Variants in COL19A1 observed in about 807,000 individuals in gnomAD.
COL19A1 encodes collagen alpha-1(XIX) chain.
A neutral mutation model predicts 190.2 loss-of-function variants in COL19A1; 159 were observed. That is an observed-to-expected ratio of 0.84 (90% CI 0.73 to 0.95). The LOEUF (loss-of-function observed/expected upper bound fraction) is 0.95, where lower values mean the gene tolerates loss of function less well. COL19A1 is among the 40% of genes least tolerant of loss of function. The pLI is 0.00. For missense variants in COL19A1, 1,418 were observed against 1,431.9 expected (o/e 0.99, Z 0.16); for synonymous variants, 509 against 458.9 (o/e 1.11, Z -1.39).
chr6:70,153,306 T>C (rs1287436821), intron 31 of COL19A1, among the ~76,000 whole-genome samples: 2 of 152,166 alleles, frequency 1.3e-5, no homozygotes, highest in Non-Finnish European at 2.9e-5. Context: ...CGCAAAAATA[T>C]CTTTGATTAA....
chr6:70,145,044 A>G (rs762770535), intron 25 of COL19A1, 37 bp downstream of exon 25: 1 of 1,410,278 alleles, frequency 7.1e-7, no homozygotes, highest in African/African-American at 1.4e-5. Flanking sequence ...TTTTCTTGCA[A>G]GTTCATTAAT....
At chr6:69,928,404 A>G (rs1251461633) in intron 5 of COL19A1, among the ~76,000 whole-genome samples, 3 of 152,160 alleles carry the variant, frequency 2.0e-5, no homozygotes, top group Admixed American at 2.0e-4. Flanking sequence ...AAAGCAGTTT[A>G]TCATTTCATT....
chr6:69,936,933 A>C, intron 8 of COL19A1, 23 bp downstream of exon 8: 1 of 1,610,916 alleles, frequency 6.2e-7, no homozygotes, highest in African/African-American at 1.3e-5. Flanking sequence ...TAATTGGTGC[A>C]CACTGAAAGC....
Position 70,156,303 on chromosome 6 carries a change from C to T in COL19A1, c.2185-13C>T. The T allele has an allele frequency of 6.2e-7, 1 of 1,613,270 alleles. No homozygotes were observed. Among genetic ancestry groups the T allele is most frequent in the South Asian group, 1.1e-5 (1 of 91,050 alleles). On this transcript the variant is annotated splice_polypyrimidine_tract_variant and intron_variant, in intron 32 of 50. Transcript: ENST00000620364. Reference sequence around the variant, plus strand: ...GTGCATCCTCTCAGTTCTGTTCTTCCTCTGTCTTCTAGGGTGATATAGGGC... The same window carrying T: ...GTGCATCCTCTCAGTTCTGTTCTTCTTCTGTCTTCTAGGGTGATATAGGGC...
intron 14 of COL19A1, among the ~76,000 whole-genome samples, chr6:70,054,520 C>A (rs539136039): frequency 8.5e-5 from 13 of 152,232 alleles, no homozygotes; most frequent in Admixed American, 3.3e-4. Flanking sequence ...AGGGCAATTC[C>A]TTACTATTTC....
chr6:70,153,841 A>G (rs964531784), intron 31 of COL19A1, among the ~76,000 whole-genome samples: 1 of 152,110 alleles, frequency 6.6e-6, no homozygotes, highest in Admixed American at 6.6e-5. Context: ...CCAACACATT[A>G]CCACCTGTGA....
intron 14 of COL19A1, among the ~76,000 whole-genome samples, chr6:70,067,008 G>T (rs1781270021): frequency 6.6e-6 from 1 of 152,114 alleles, no homozygotes; most frequent in African/African-American, 2.4e-5. Flanking sequence ...CACATACCGT[G>T]ATGAATAAAA....
chr6:69,985,138 T>C (rs1776244440), intron 11 of COL19A1, among the ~76,000 whole-genome samples: 1 of 152,194 alleles, frequency 6.6e-6, no homozygotes, highest in Admixed American at 6.5e-5. Flanking sequence ...AACTTGAAAC[T>C]GAATTCCTCA....
chr6:70,120,610 A>G (rs1180918846), intron 16 of COL19A1, among the ~76,000 whole-genome samples: 1 of 152,204 alleles, frequency 6.6e-6, no homozygotes, highest in Non-Finnish European at 1.5e-5. Flanking sequence ...CTCTTCTTAC[A>G]ATAGCTCCGT....
chr6:69,872,546 T>C (rs1198351268), intron 1 of COL19A1, among the ~76,000 whole-genome samples: 1 of 152,220 alleles, frequency 6.6e-6, no homozygotes, highest in East Asian at 1.9e-4. Context: ...TTGGTTTCGA[T>C]AGGTGCCTTA....
intron 11 of COL19A1, among the ~76,000 whole-genome samples, chr6:69,963,639 T>C (rs998848487): frequency 6.6e-6 from 1 of 152,148 alleles, no homozygotes; most frequent in Admixed American, 6.5e-5. Context: ...AGGAAACCTA[T>C]AAGGCTCAGC....
intron 14 of COL19A1, among the ~76,000 whole-genome samples, chr6:70,055,792 A>AT (rs200234973): frequency 0.072 from 9,796 of 136,340 alleles, 383 homozygotes; most frequent in Middle Eastern, 0.097. Flanking sequence ...AAAAAAAAAA[A>AT]AAAAAAAAAA....
chr6:69,869,032 G>A (rs1767656736), intron 1 of COL19A1, among the ~76,000 whole-genome samples: 1 of 83,790 alleles, frequency 1.2e-5, no homozygotes, highest in African/African-American at 4.4e-5. Context: ...CTGAAAAGAT[G>A]CTGGAAAAAA....
intron 14 of COL19A1, among the ~76,000 whole-genome samples, chr6:70,068,128 G>T (rs1781353417): frequency 1.3e-5 from 2 of 151,718 alleles, no homozygotes; most frequent in African/African-American, 4.8e-5. Context: ...CTTATTTATG[G>T]TGGTTTGTTG....
chr6:69,960,911 G>A (rs985803972), intron 10 of COL19A1, among the ~76,000 whole-genome samples: 1 of 152,108 alleles, frequency 6.6e-6, no homozygotes, highest in Non-Finnish European at 1.5e-5. Context: ...GATTACAGGC[G>A]TGAGCCACCA....
In COL19A1 at chr6:70,168,667, G is replaced by T. The variant is rs145028542; in HGVS notation, c.2554G>T (p.Asp852Tyr). Residue 852 changes from aspartate to tyrosine, a missense_variant, in exon 40 of 51, where the codon GAT (aspartate) becomes TAT (tyrosine). By Grantham distance (160) the Asp-to-Tyr change is radical. Transcript: ENST00000620364. Reference protein sequence around the residue: ...GPPGPPGPKGDPGPVGEPGAM... With the variant: ...GPPGPPGPKGYPGPVGEPGAM... ...GTTTCTCTTACAGGGCCCAAAAGGC[G>T]ATCCTGGCCCAGTGGTATGAATGTT... 2.5e-6 allele frequency: 4 copies of T among 1,612,680 alleles called. No individual in the cohort carries two copies. Among genetic ancestry groups the T allele is most frequent in the Non-Finnish European group, 3.4e-6 (4 of 1,179,360 alleles).
At chr6:69,951,680 C>T (rs909873078) in intron 9 of COL19A1, among the ~76,000 whole-genome samples, 4 of 151,786 alleles carry the variant, frequency 2.6e-5, no homozygotes, top group Non-Finnish European at 4.4e-5. Context: ...CAGCCATTTA[C>T]TCAAAAAGTG....
chr6:70,071,186 AT>A (rs1473677246), intron 15 of COL19A1, among the ~76,000 whole-genome samples: 1 of 152,114 alleles, frequency 6.6e-6, no homozygotes, highest in Non-Finnish European at 1.5e-5. Flanking sequence ...GCTTTGAAAA[AT>A]ATCAAACATT....
intron 2 of COL19A1, chr6:69,891,062 G>A (rs1769312206): frequency 6.0e-6 from 2 of 334,474 alleles, no homozygotes; most frequent in East Asian, 7.5e-5. Flanking sequence ...GGAGTTTGAT[G>A]GCCTGAAGGC....
Sources: gnomAD v4.1 joint callset for allele counts (sites outside exome capture counted in the v4.1 genomes callset) on GRCh38, gnomAD v4.1.1 for gene constraint, MANE v1.5 for transcripts, NCBI Gene and HGNC (gene_info 2026-07-23, HGNC 2026-07-21) for gene names.